Variants in ADCY9 observed in about 807,000 individuals in gnomAD.
ADCY9 encodes the protein adenylate cyclase 9, also known as adenylate cyclase type 9.
In ADCY9, 50 loss-of-function variants were observed where a neutral mutation model predicts 101.5. The observed-to-expected ratio is 0.49, with a 90% CI of 0.39 to 0.62. The LOEUF (loss-of-function observed/expected upper bound fraction) is 0.62, where lower values mean the gene tolerates loss of function less well. ADCY9 is among the 20% of genes least tolerant of loss of function. The probability of loss-of-function intolerance (pLI) is 0.00; values close to 1 mark genes in which losing one functional copy is unlikely to be tolerated. For synonymous variants in ADCY9, 905 were observed against 769.3 expected, an observed-to-expected ratio of 1.18 and a Z score of -2.92; for missense variants, 1,662 against 1,800.4, an observed-to-expected ratio of 0.92 and a Z score of 1.39.
At chr16:3,990,674 CCT>C (rs1005939763) in intron 5 of ADCY9, among the ~76,000 whole-genome samples, 4 of 152,320 alleles carry the variant, frequency 2.6e-5, no homozygotes, top group African/African-American at 9.6e-5. Flanking sequence ...TCTCTCCTCC[CCT>C]GACTCAGGGA....
chr16:3,983,752 C>A, intron 6 of ADCY9: 1 of 351,748 alleles, frequency 2.8e-6, no homozygotes, highest in African/African-American at 2.1e-5. Context: ...CAGTGAGACT[C>A]CATCTCTACA....
At chr16:4,113,171 T>A (rs111554198) in intron 2 of ADCY9, among the ~76,000 whole-genome samples, 4,328 of 145,560 alleles carry the variant, frequency 0.03, 183 homozygotes, top group African/African-American at 0.1. Context: ...CAAACTTTTT[T>A]TAAAAAAAAA....
At chr16:4,108,378 T>TA (rs981251707) in intron 2 of ADCY9, among the ~76,000 whole-genome samples, 3 of 141,512 alleles carry the variant, frequency 2.1e-5, no homozygotes, top group African/African-American at 7.9e-5. Flanking sequence ...TTTTTTTTTT[T>TA]TTTTTTTTTT....
chr16:3,989,827 G>A (rs74003492), intron 5 of ADCY9, among the ~76,000 whole-genome samples: 4,471 of 152,300 alleles, frequency 0.029, 232 homozygotes, highest in African/African-American at 0.1. Flanking sequence ...ACATAATTCA[G>A]AACCGGCGGT....
At chr16:3,998,058 C>T (rs967014891) in intron 3 of ADCY9, among the ~76,000 whole-genome samples, 1 of 152,170 alleles carries the variant, frequency 6.6e-6, no homozygotes. Flanking sequence ...TGTGCCACTG[C>T]ACTCCAGCCT....
At chr16:3,973,771 G>A (rs978047699) in intron 10 of ADCY9, among the ~76,000 whole-genome samples, 1 of 152,136 alleles carries the variant, frequency 6.6e-6, no homozygotes, top group Non-Finnish European at 1.5e-5. Flanking sequence ...GGGATTACAG[G>A]CGGGAGTCAC....
At chr16:4,107,442 T>C (rs181076963) in intron 2 of ADCY9, among the ~76,000 whole-genome samples, 9 of 147,594 alleles carry the variant, frequency 6.1e-5, no homozygotes, top group Admixed American at 4.2e-4. Context: ...TCCCAGCTAT[T>C]TGGGAGGCTG....
intron 2 of ADCY9, among the ~76,000 whole-genome samples, chr16:4,030,431 G>A (rs532721389): frequency 6.6e-6 from 1 of 152,188 alleles, no homozygotes; most frequent in Non-Finnish European, 1.5e-5. Context: ...ACCAGGGGCA[G>A]TGGCTCAAGT....
chr16:3,993,459 C>T lies in ADCY9; in HGVS notation c.1936G>A (p.Glu646Lys), dbSNP rs759674069. The stretch of plus-strand genomic sequence containing the variant: ...CAGCCGTTTTGAGGTGCTCCTCCCT[C>T]GGCGCCGGCTTCAGATTTGGGAGCA... ...TFAPKSEAGA[E>K]GGAPQNGCQD... The change falls in exon 4 of 11, where the codon GAG becomes AAG. Residue 646 changes from glutamate to lysine, a missense_variant. Transcript: ENST00000294016. 4.1e-5 allele frequency: 66 copies of T among 1,614,092 alleles called. No homozygotes were observed. The highest frequency in any genetic ancestry group is 4.7e-5 in the Non-Finnish European group (56 of 1,180,046).
At position 4,109,515 on chromosome 16, in the gene ADCY9, G is replaced by A. The variant is rs188449897; in HGVS notation, c.1693+4235C>T. Among the ~76,000 whole-genome samples, 303 of 152,262 alleles carry A rather than the reference G, an allele frequency of 2.0e-3. 1 individual carries two copies. The highest frequency in any genetic ancestry group is 6.8e-3 in the African/African-American group (283 of 41,556). Reference sequence around the variant, plus strand: ...CCTCTGTACTCTGCAAGTCCATCCTGCATTCTCCATTCATACCATAGCAAC... The same window carrying A: ...CCTCTGTACTCTGCAAGTCCATCCTACATTCTCCATTCATACCATAGCAAC... On this transcript the variant is annotated intron_variant, in intron 2 of 10. Transcript: ENST00000294016.
At chr16:4,101,032 A>C (rs2057039830) in intron 2 of ADCY9, among the ~76,000 whole-genome samples, 1 of 152,210 alleles carries the variant, frequency 6.6e-6, no homozygotes, top group Non-Finnish European at 1.5e-5. Context: ...ATGTGCCAAG[A>C]ACTTTTCTAA....
rs1178244148 is a variant in ADCY9, at chr16:3,964,306, C to T, written c.*1469G>A. On this transcript the variant is annotated 3_prime_UTR_variant, in exon 11 of 11. Coordinates refer to ENST00000294016, the MANE Select transcript of ADCY9 (RefSeq NM_001116.4). ...CGACCGGACAACTCGGGCGAGCTCA[C>T]TTCCACACAAACTTCAGACTCAATA... 2 of 152,374 alleles carry T rather than the reference C, an allele frequency of 1.3e-5. No individual in the cohort carries two copies. The highest frequency in any genetic ancestry group is 2.4e-5 in the African/African-American group (1 of 41,456). 9.4% of individuals were successfully genotyped at this position (152,374 alleles called of 1,614,324 possible).
intron 2 of ADCY9, among the ~76,000 whole-genome samples, chr16:4,088,754 G>A (rs765870589): frequency 1.3e-5 from 2 of 151,898 alleles, no homozygotes; most frequent in African/African-American, 4.8e-5. Context: ...CAACTGTCTT[G>A]TACTACAATA....
intron 2 of ADCY9, among the ~76,000 whole-genome samples, chr16:4,011,980 C>T (rs377720909): frequency 2.6e-5 from 4 of 152,230 alleles, no homozygotes; most frequent in Non-Finnish European, 5.9e-5. Flanking sequence ...TGATTATCGA[C>T]GCAGTGTTTG....
At chr16:4,063,545 C>G (rs1240946688) in intron 2 of ADCY9, among the ~76,000 whole-genome samples, 1 of 151,786 alleles carries the variant, frequency 6.6e-6, no homozygotes, top group African/African-American at 2.4e-5. Context: ...CCTGTGTCTA[C>G]AAAAAATAAA....
intron 5 of ADCY9, among the ~76,000 whole-genome samples, chr16:3,954,392 G>A (rs1284986650): frequency 1.3e-5 from 2 of 152,170 alleles, no homozygotes; most frequent in African/African-American, 2.4e-5. Context: ...AGAGCCTGGC[G>A]TGCTGCTGCT....
intron 6 of ADCY9, 83 bp downstream of exon 6, chr16:3,988,911 T>TC: frequency 1.8e-6 from 2 of 1,116,284 alleles, no homozygotes. Flanking sequence ...CATCCCTTGG[T>TC]AAAGCACAAA....
intron 2 of ADCY9, among the ~76,000 whole-genome samples, chr16:4,052,998 C>T (rs920070669): frequency 2.0e-5 from 3 of 152,196 alleles, no homozygotes; most frequent in African/African-American, 7.2e-5. Flanking sequence ...TTATTCTTTT[C>T]TCCTTAAGAG....
intron 2 of ADCY9, among the ~76,000 whole-genome samples, chr16:4,112,557 ATTAC>A (rs777119145): frequency 6.6e-6 from 1 of 151,884 alleles, no homozygotes; most frequent in Non-Finnish European, 1.5e-5. Context: ...GACTGACACT[ATTAC>A]TTCTGCCGTC....
Sources: gnomAD v4.1 joint callset for allele counts (sites outside exome capture counted in the v4.1 genomes callset) on GRCh38, gnomAD v4.1.1 for gene constraint, MANE v1.5 for transcripts, NCBI Gene and HGNC (gene_info 2026-07-23, HGNC 2026-07-21) for gene names.